Variants in PIP5K1B observed in about 807,000 individuals in gnomAD.
PIP5K1B encodes the protein phosphatidylinositol 4-phosphate 5-kinase type-1 beta.
A neutral mutation model predicts 67.0 loss-of-function variants in PIP5K1B; 42 were observed. The ratio of observed to expected loss-of-function variants is 0.63; its 90% CI spans 0.49 to 0.81. PIP5K1B has a LOEUF of 0.81. Among genes scored for constraint, PIP5K1B ranks in the 30% least tolerant of loss-of-function variants. The pLI, the probability that PIP5K1B is intolerant of heterozygous loss-of-function variation, is 0.00. For missense variants in PIP5K1B, 459 were observed against 646.3 expected, an observed-to-expected ratio of 0.71 and a Z score of 3.14; for synonymous variants, 214 against 231.4, an observed-to-expected ratio of 0.92 and a Z score of 0.68.
chr9:68,736,187 G>A (rs1321384231), intron 1 of PIP5K1B, among the ~76,000 whole-genome samples: 4 of 152,182 alleles, frequency 2.6e-5, no homozygotes, highest in African/African-American at 9.7e-5. Flanking sequence ...CTTTTGAGCA[G>A]AGGAATAGGG....
At chr9:68,923,931 C>T (rs1222788967) in intron 12 of PIP5K1B, among the ~76,000 whole-genome samples, 1 of 151,918 alleles carries the variant, frequency 6.6e-6, no homozygotes, top group Non-Finnish European at 1.5e-5. Flanking sequence ...CTGAAAACTT[C>T]TCAAGTATTT....
chr9:68,953,708 A>T (rs1162832445), intron 14 of PIP5K1B, among the ~76,000 whole-genome samples: 1 of 151,398 alleles, frequency 6.6e-6, no homozygotes, highest in African/African-American at 2.4e-5. Context: ...CCAGCTACTC[A>T]GAGGCTCAGA....
chr9:68,775,553 G>C (rs1425412023), intron 2 of PIP5K1B, among the ~76,000 whole-genome samples: 2 of 152,188 alleles, frequency 1.3e-5, no homozygotes, highest in Non-Finnish European at 2.9e-5. Context: ...CTGGTTGTAG[G>C]GATGATTCAT....
chr9:68,988,457 T>TTG (rs1830196634), intron 14 of PIP5K1B, among the ~76,000 whole-genome samples: 1 of 68,310 alleles, frequency 1.5e-5, no homozygotes. Context: ...TTTTTTTTTT[T>TTG]TTTTTTTTTT....
At chr9:68,842,067 G>T (rs1316681422) in intron 4 of PIP5K1B, among the ~76,000 whole-genome samples, 1 of 152,228 alleles carries the variant, frequency 6.6e-6, no homozygotes, top group East Asian at 1.9e-4. Flanking sequence ...ACTCACTGGG[G>T]TGACACCATC....
intron 2 of PIP5K1B, among the ~76,000 whole-genome samples, chr9:68,812,989 G>GC (rs1307028351): frequency 6.6e-6 from 1 of 152,208 alleles, no homozygotes; most frequent in African/African-American, 2.4e-5. Flanking sequence ...AGCGCAGGGA[G>GC]CATCAGACTA....
intron 2 of PIP5K1B, among the ~76,000 whole-genome samples, chr9:68,769,562 T>G (rs1283299056): frequency 3.9e-5 from 6 of 152,172 alleles, no homozygotes; most frequent in Admixed American, 3.9e-4. Flanking sequence ...ACAATGTAAT[T>G]CCCCAGATTT....
At position 69,008,856 on chromosome 9, in the gene PIP5K1B, CAT is replaced by C. The variant is rs567653268; in HGVS notation, c.*408_*409del. 108 of 163,630 alleles carry C rather than the reference CAT, an allele frequency of 6.6e-4. No homozygotes were observed. Among genetic ancestry groups the C allele is most frequent in the African/African-American group, 2.5e-3 (105 of 41,982 alleles). 10.1% of individuals were successfully genotyped at this position (163,630 alleles called of 1,614,324 possible). ...ATATTTTTAAAAATCCATCCACACACATGGTAAATTAAGTATAAATTCTTTTG... is the reference window on the plus strand; with the variant it reads ...ATATTTTTAAAAATCCATCCACACACGGTAAATTAAGTATAAATTCTTTTG... On this transcript the variant is annotated 3_prime_UTR_variant, in exon 16 of 16. Transcript: ENST00000265382.
At chr9:68,775,141 A>G (rs767779722) in intron 2 of PIP5K1B, among the ~76,000 whole-genome samples, 7 of 152,188 alleles carry the variant, frequency 4.6e-5, no homozygotes, top group Non-Finnish European at 8.8e-5. Context: ...ATCAATTGGA[A>G]TGCTTTCTGT....
At chr9:68,936,167 C>T (rs7023844) in intron 13 of PIP5K1B, among the ~76,000 whole-genome samples, 3,511 of 152,030 alleles carry the variant, frequency 0.023, 106 homozygotes, top group African/African-American at 0.071. Flanking sequence ...AGACTTCACA[C>T]CCTTTTTGTC....
intron 1 of PIP5K1B, among the ~76,000 whole-genome samples, chr9:68,740,624 T>C (rs1012632779): frequency 6.6e-6 from 1 of 152,254 alleles, no homozygotes; most frequent in African/African-American, 2.4e-5. Flanking sequence ...GTAGCTCTGA[T>C]GAAATCACTG....
chr9:68,710,267 T>C (rs950374105), intron 1 of PIP5K1B, among the ~76,000 whole-genome samples: 18 of 152,200 alleles, frequency 1.2e-4, no homozygotes, highest in South Asian at 6.2e-4. Context: ...AACTGTACAT[T>C]ATGTAGCTCT....
chr9:68,767,309 G>T (rs1830472237), intron 2 of PIP5K1B, among the ~76,000 whole-genome samples: 1 of 152,168 alleles, frequency 6.6e-6, no homozygotes, highest in Non-Finnish European at 1.5e-5. Context: ...ATTTAGCAAT[G>T]CAGTCCGGGC....
At chr9:68,978,216 A>G (rs1829722349) in intron 14 of PIP5K1B, among the ~76,000 whole-genome samples, 1 of 152,202 alleles carries the variant, frequency 6.6e-6, no homozygotes, top group South Asian at 2.1e-4. Context: ...TATGGTCACC[A>G]CACTGTGCCT....
chr9:68,763,365 A>G (rs1170512514), intron 2 of PIP5K1B, among the ~76,000 whole-genome samples: 4 of 152,148 alleles, frequency 2.6e-5, no homozygotes, highest in African/African-American at 9.7e-5. Flanking sequence ...AGTAAAACCA[A>G]TAAAACAACA....
chr9:68,992,264 C>G (rs1298645692), intron 15 of PIP5K1B, among the ~76,000 whole-genome samples: 1 of 151,946 alleles, frequency 6.6e-6, no homozygotes, highest in Non-Finnish European at 1.5e-5. Context: ...ACCCGGCCTA[C>G]CTGCACAAAA....
chr9:68,719,444 A>AGCT (rs1827780610), intron 1 of PIP5K1B, among the ~76,000 whole-genome samples: 1 of 152,374 alleles, frequency 6.6e-6, no homozygotes, highest in South Asian at 2.1e-4. Context: ...AAAACAAGGA[A>AGCT]GCTGAATACT....
At chr9:68,846,788 G>T (rs1305535276) in intron 4 of PIP5K1B, among the ~76,000 whole-genome samples, 1 of 152,090 alleles carries the variant, frequency 6.6e-6, no homozygotes, top group Non-Finnish European at 1.5e-5. Flanking sequence ...ATACATGTAT[G>T]TATAATTCCC....
intron 1 of PIP5K1B, among the ~76,000 whole-genome samples, chr9:68,710,606 A>G (rs907262327): frequency 2.6e-5 from 4 of 152,204 alleles, no homozygotes; most frequent in African/African-American, 9.7e-5. Flanking sequence ...CACACAGGAA[A>G]ACACAGGAAT....
Sources: allele counts gnomAD v4.1 joint callset (sites outside exome capture counted in the v4.1 genomes callset), GRCh38; gene constraint gnomAD v4.1.1; transcripts MANE v1.5; gene names NCBI Gene and HGNC (gene_info 2026-07-23, HGNC 2026-07-21).